The following CDH23 variants were observed in gnomAD, a reference collection of about 807,000 sequenced individuals.
The protein encoded by CDH23 is cadherin-23.
CDH23 carries 189 observed loss-of-function variants against 317.1 expected under a neutral mutation model. That is an observed-to-expected ratio of 0.60 (90% CI 0.53 to 0.67). The LOEUF (loss-of-function observed/expected upper bound fraction) is 0.67, where lower values mean the gene tolerates loss of function less well. Ranked by LOEUF, CDH23 falls within the 30% of genes least tolerant of loss-of-function variation. CDH23 has a pLI of 0.00. For missense variants in CDH23, 4,401 were observed against 4,592.4 expected, an observed-to-expected ratio of 0.96 and a Z score of 1.20; for synonymous variants, 1,839 against 1,876.8, an observed-to-expected ratio of 0.98 and a Z score of 0.52.
intron 30 of CDH23, 116 bp from the exon 31 acceptor site, chr10:71,730,353 G>A: frequency 1.5e-6 from 2 of 1,344,756 alleles, no homozygotes; most frequent in Non-Finnish European, 2.0e-6. Flanking sequence ...CCTAGAGGGA[G>A]CTCACAGCAG....
intron 17 of CDH23, among the ~76,000 whole-genome samples, chr10:71,681,552 C>T (rs960937509): frequency 6.6e-6 from 1 of 152,116 alleles, no homozygotes; most frequent in Non-Finnish European, 1.5e-5. Context: ...ACCCCGAGTA[C>T]CTCCCCATGG....
intron 14 of CDH23, among the ~76,000 whole-genome samples, chr10:71,672,408 T>G (rs1358290390): frequency 6.6e-6 from 1 of 151,962 alleles, no homozygotes; most frequent in East Asian, 1.9e-4. Flanking sequence ...AGGCCCAAGG[T>G]CAGTGCTGCT....
At chr10:71,754,589 G>C (rs542452243) in intron 38 of CDH23, among the ~76,000 whole-genome samples, 173 of 152,282 alleles carry the variant, frequency 1.1e-3, no homozygotes, top group Non-Finnish European at 2.1e-3. Context: ...GCCAGGGTGG[G>C]AGGTGAAAGA....
intron 38 of CDH23, among the ~76,000 whole-genome samples, chr10:71,775,258 C>T (rs1375014567): frequency 1.3e-5 from 2 of 152,166 alleles, no homozygotes; most frequent in African/African-American, 4.8e-5. Flanking sequence ...AGGGCAAGAT[C>T]CTAGAGCACC....
At chr10:71,798,696 GCCAGCATT>G in intron 50 of CDH23, 118 bp downstream of exon 50, 1 of 798,290 alleles carries the variant, frequency 1.3e-6, no homozygotes, top group Non-Finnish European at 1.9e-6. Flanking sequence ...ATCCAAGATG[GCCAGCATT>G]CCATGCCAGA....
At chr10:71,809,247 C>T (rs1388804852) in intron 60 of CDH23, among the ~76,000 whole-genome samples, 2 of 129,988 alleles carry the variant, frequency 1.5e-5, no homozygotes, top group East Asian at 5.4e-4. Flanking sequence ...GGTGCAATCT[C>T]AGCTCACTGC....
At chr10:71,420,452 GTGATGATAATGATGATGGTGATGA>G in intron 1 of CDH23, among the ~76,000 whole-genome samples, 1 of 138,292 alleles carries the variant, frequency 7.2e-6, no homozygotes, top group South Asian at 2.4e-4. Flanking sequence ...CATTATGATG[GTGATGATAATGATGATGGTGATGA>G]TGATGGTGAT....
intron 9 of CDH23, among the ~76,000 whole-genome samples, chr10:71,583,837 A>G (rs776642434): frequency 2.6e-5 from 4 of 152,158 alleles, no homozygotes; most frequent in Non-Finnish European, 4.4e-5. Flanking sequence ...GAGAGTTTAC[A>G]TAGATTGGCC....
rs1862686170 is a variant in CDH23 at position 71,643,726 on chromosome 10, G to T, written c.1135-135G>T. On this transcript the variant is annotated intron_variant, in intron 11 of 69. Transcript: ENST00000224721. ...GAGGCTGGGGACAGCTGCTCCTCTA[G>T]GGTGTGATCCTGGGGTCCCTCCCAT... 1.1e-5 allele frequency: 7 copies of T among 666,278 alleles called. No homozygotes were observed. In the East Asian group the frequency reaches 1.3e-4, roughly 12 times the overall value. 41.3% of individuals were successfully genotyped at this position (666,278 alleles called of 1,614,324 possible).
intron 9 of CDH23, among the ~76,000 whole-genome samples, chr10:71,594,343 C>T (rs938713915): frequency 6.6e-6 from 1 of 151,686 alleles, no homozygotes; most frequent in African/African-American, 2.4e-5. Context: ...CTTTCTTTCT[C>T]TCTCTCTCTC....
At chr10:71,578,961 G>A (rs116359914) in intron 9 of CDH23, among the ~76,000 whole-genome samples, 4,758 of 152,302 alleles carry the variant, frequency 0.031, 257 homozygotes, top group African/African-American at 0.11. Context: ...AGAACATGGA[G>A]GAGGATGGAG....
chr10:71,491,233 G>T (rs1278608073), intron 3 of CDH23, among the ~76,000 whole-genome samples: 1 of 152,164 alleles, frequency 6.6e-6, no homozygotes, highest in Non-Finnish European at 1.5e-5. Flanking sequence ...TGGGGTTGGG[G>T]TACTTTGATT....
intron 6 of CDH23, among the ~76,000 whole-genome samples, chr10:71,524,710 G>A (rs1854926305): frequency 6.6e-6 from 1 of 152,132 alleles, no homozygotes; most frequent in South Asian, 2.1e-4. Flanking sequence ...CAGGTAGGAG[G>A]GTCAGAGGAG....
intron 41 of CDH23, among the ~76,000 whole-genome samples, chr10:71,782,083 G>A (rs928775371): frequency 2.0e-5 from 3 of 152,204 alleles, no homozygotes; most frequent in African/African-American, 7.2e-5. Context: ...CCTGAGGCTG[G>A]AAGGCTGCTT....
chr10:71,621,175 T>C (rs1564692466), intron 11 of CDH23, among the ~76,000 whole-genome samples: 3 of 152,258 alleles, frequency 2.0e-5, no homozygotes, highest in African/African-American at 7.2e-5. Flanking sequence ...AAGTGTTGTT[T>C]CTTGCCAGTC....
rs55964031 is a variant in CDH23, at chr10:71,791,331, G to A, written c.6249G>A (p.Pro2083=). The A allele has an allele frequency of 4.3e-3, 6,937 of 1,612,980 alleles. 240 individuals are homozygous for A. In the African/African-American group the frequency reaches 0.078, roughly 18 times the overall value. ...CTGTCCATCTGCTAGAGAACTGCCC[G>A]CCTGGTAAGCAGGGGACAGGCCCCA... is the stretch of plus-strand genomic sequence containing the variant. ...TLTVHLLENC[P]PGFSVLQVTA... The change falls in exon 47 of 70, where the codon CCG becomes CCA. Residue 2083 remains proline (P), a synonymous_variant. Coordinates refer to ENST00000224721, the MANE Select transcript of CDH23 (RefSeq NM_022124.6).
chr10:71,643,829 A>T (rs1212805574), intron 11 of CDH23, 32 bp from the exon 12 acceptor site: 4 of 765,536 alleles, frequency 5.2e-6, no homozygotes, highest in Non-Finnish European at 7.2e-6. Flanking sequence ...GTCTGTCTCC[A>T]TATCCTTTGA....
intron 11 of CDH23, among the ~76,000 whole-genome samples, chr10:71,637,424 G>T (rs760419685): frequency 2.0e-5 from 3 of 152,002 alleles, no homozygotes; most frequent in African/African-American, 7.3e-5. Context: ...CACTTATTCC[G>T]TCCCAGATGC....
At chr10:71,708,964 C>T (rs1865879797) in intron 26 of CDH23, 134 bp from the exon 27 acceptor site, 1 of 791,360 alleles carries the variant, frequency 1.3e-6, no homozygotes, top group Admixed American at 2.0e-5. Context: ...GCACCTCAGG[C>T]AGGGCCGAAT....
Sources: allele counts gnomAD v4.1 joint callset (sites outside exome capture counted in the v4.1 genomes callset), GRCh38; gene constraint gnomAD v4.1.1; transcripts MANE v1.5; gene names NCBI Gene and HGNC (gene_info 2026-07-23, HGNC 2026-07-21).